PEMT: variants seen among roughly 807,000 people sequenced by gnomAD.
PEMT encodes phospholipid methyltransferase.
In PEMT, 23 loss-of-function variants were observed where a neutral mutation model predicts 27.4. The observed-to-expected ratio is 0.84, with a 90% confidence interval of 0.60 to 1.19. The LOEUF (loss-of-function observed/expected upper bound fraction) is 1.19. Among genes scored for constraint, PEMT ranks in the 50% most tolerant of loss-of-function variants. The pLI is 0.00. For synonymous variants in PEMT, 137 were observed against 139.1 expected (o/e 0.98, Z 0.11); for missense variants, 307 against 310.1 (o/e 0.99, Z 0.07).
intron 2 of PEMT, among the ~76,000 whole-genome samples, chr17:17,547,436 C>T (rs1909338158): frequency 6.6e-6 from 1 of 152,246 alleles, no homozygotes; most frequent in African/African-American, 2.4e-5. Context: ...CGCCAAAGAA[C>T]AGGGTGCTGG....
intron 5 of PEMT, chr17:17,508,719 C>T (rs1906104165): frequency 6.5e-6 from 3 of 459,552 alleles, no homozygotes; most frequent in Non-Finnish European, 1.4e-5. Context: ...CTCTGACCCG[C>T]CGGGGGAGCA....
At chr17:17,589,763 GTTTC>G (rs938493693) in intron 1 of PEMT, among the ~76,000 whole-genome samples, 10 of 152,184 alleles carry the variant, frequency 6.6e-5, no homozygotes, top group East Asian at 5.8e-4. Flanking sequence ...TATGTTGTAT[GTTTC>G]TTTCTTTCTT....
chr17:17,584,034 G>A lies in PEMT; in HGVS notation c.97-7007C>T, dbSNP rs140639062. Among the ~76,000 whole-genome samples, 117 of 152,364 alleles carry A rather than the reference G, an allele frequency of 7.7e-4. 1 individual carries two copies. In the East Asian group the frequency reaches 0.019, roughly 25 times the overall value. The stretch of plus-strand genomic sequence containing the variant: ...AACTCAAAAGGCACTGACAGCTCAC[G>A]TGCTCCAGCAGGGGTGGGTGTGGGG... On this transcript the variant is annotated intron_variant, in intron 1 of 6. Coordinates refer to ENST00000255389, the MANE Select transcript of PEMT (RefSeq NM_148172.3).
chr17:17,578,919 G>A (rs1029977244), intron 1 of PEMT, among the ~76,000 whole-genome samples: 1 of 151,754 alleles, frequency 6.6e-6, no homozygotes. Flanking sequence ...AGAACTTAAA[G>A]TATAATAATA....
At position 17,591,678 on chromosome 17, in the gene PEMT, C is replaced by A; in HGVS notation, c.-52G>T. On this transcript the variant is annotated 5_prime_UTR_variant, in exon 1 of 7. Coordinates refer to ENST00000255389, the MANE Select transcript of PEMT (RefSeq NM_148172.3). ...GCGGGCCCCGCTGCAGCCACGCGCC[C>A]CCGGAACCGGACCTATAGAGCCGGG... 6.4e-7 allele frequency: 1 copy of A among 1,574,754 alleles called. No individual in the cohort carries two copies. Among genetic ancestry groups the A allele is most frequent in the Non-Finnish European group, 8.6e-7 (1 of 1,160,618 alleles).
chr17:17,579,675 A>AAAAC (rs945504025), intron 1 of PEMT, among the ~76,000 whole-genome samples: 36 of 152,288 alleles, frequency 2.4e-4, no homozygotes, highest in African/African-American at 8.4e-4. Flanking sequence ...ACTTCATCTG[A>AAAAC]AAACAAACAA....
At position 17,591,550 on chromosome 17, in the gene PEMT, C is replaced by G; in HGVS notation, c.77G>C (p.Gly26Ala). 6.2e-7 allele frequency: 1 copy of G among 1,613,518 alleles called. No homozygotes were observed. The highest frequency in any genetic ancestry group is 2.2e-5 in the East Asian group (1 of 44,862). ...CAGTACCTGTCTAAAATCAATATTG[C>G]CGAGGCCTCCGCAGCAGTCAGGCCC... ...VAGPDCCGGLGNIDFRQADFC... is the reference protein window; with the variant it reads ...VAGPDCCGGLANIDFRQADFC... The change falls in exon 1 of 7, where the codon GGC (glycine) becomes GCC (alanine). Residue 26 changes from glycine (G) to alanine (A), a missense_variant. Coordinates refer to ENST00000255389, the MANE Select transcript of PEMT (RefSeq NM_148172.3).
chr17:17,591,582 C>G lies in PEMT; in HGVS notation c.45G>C (p.Ser15=), dbSNP rs775691666. Residue 15 remains serine, a synonymous_variant, in exon 1 of 7, where the codon TCG becomes TCC. Coordinates refer to ENST00000255389, the MANE Select transcript of PEMT (RefSeq NM_148172.3). ...GNPGAEVTNS[S]VAGPDCCGGL... is the part of the protein sequence containing the mutation. Reference sequence around the variant, plus strand: ...CTCCGCAGCAGTCAGGCCCTGCCACCGAGCTGTTCGTTACCTCGGCTCCCG... The same window carrying G: ...CTCCGCAGCAGTCAGGCCCTGCCACGGAGCTGTTCGTTACCTCGGCTCCCG... 6.2e-7 allele frequency: 1 copy of G among 1,613,754 alleles called. No individual in the cohort carries two copies. Among genetic ancestry groups the G allele is most frequent in the Admixed American group, 1.7e-5 (1 of 60,016 alleles).
In PEMT at chr17:17,582,057, G is replaced by T. The variant is rs2142755353; in HGVS notation, c.97-5030C>A. Among the ~76,000 whole-genome samples, 2 of 152,234 alleles carry T rather than the reference G, an allele frequency of 1.3e-5. No individual in the cohort carries two copies. The highest frequency in any genetic ancestry group is 2.9e-5 in the Non-Finnish European group (2 of 68,020). ...GGAGAGTCCTGGGTCCCACATCCAG[G>T]CTCTGCCTCCGGGTGTCAGAGTCTC... On this transcript the variant is annotated intron_variant, in intron 1 of 6. Coordinates refer to ENST00000255389, the MANE Select transcript of PEMT (RefSeq NM_148172.3). The surrounding 1 kb of genome is among the most constrained non-coding windows in gnomAD (Gnocchi z 4.9).
At chr17:17,524,371 G>A (rs1431265258) in intron 2 of PEMT, among the ~76,000 whole-genome samples, 1 of 152,160 alleles carries the variant, frequency 6.6e-6, no homozygotes, top group Non-Finnish European at 1.5e-5. Flanking sequence ...CACAGTGGCT[G>A]CCCCATTTTC....
chr17:17,512,363 C>A lies in PEMT; in HGVS notation c.466+146G>T. On this transcript the variant is annotated intron_variant, in intron 4 of 6. Coordinates refer to ENST00000255389, the MANE Select transcript of PEMT (RefSeq NM_148172.3). The surrounding 1 kb of genome is among the most constrained non-coding windows in gnomAD (Gnocchi z 6.3). ...CTGTTCTAACCACAGACAAGCCAGG[C>A]CTGGAGGAGCAAAGACGCCCCGATG... 1 of 650,662 alleles carries A rather than the reference C, an allele frequency of 1.5e-6. No individual in the cohort carries two copies. The highest frequency in any genetic ancestry group is 2.4e-6 in the Non-Finnish European group (1 of 411,308). The allele number at this position is 650,662 out of a possible 1,614,324, so 40.3% of individuals were successfully genotyped here.
intron 2 of PEMT, among the ~76,000 whole-genome samples, chr17:17,540,282 G>A (rs1047415833): frequency 1.3e-5 from 2 of 152,210 alleles, no homozygotes; most frequent in African/African-American, 2.4e-5. Context: ...GGCAATGGCC[G>A]GGACGAGGAG....
At chr17:17,524,522 G>A (rs111585042) in intron 2 of PEMT, among the ~76,000 whole-genome samples, 3,291 of 151,862 alleles carry the variant, frequency 0.022, 85 homozygotes, top group African/African-American at 0.057. Context: ...CCAGCACTTC[G>A]GGAGGCTGAG....
At chr17:17,509,348 G>A in intron 5 of PEMT, 86 bp downstream of exon 5, 7 of 825,380 alleles carry the variant, frequency 8.5e-6, no homozygotes, top group Non-Finnish European at 1.2e-5. Context: ...TCTCTCCAGG[G>A]GCCCTGGCCC....
chr17:17,570,883 A>T, intron 2 of PEMT: 2 of 985,372 alleles, frequency 2.0e-6, no homozygotes, highest in Non-Finnish European at 2.4e-6. Context: ...GAGAAGAGGG[A>T]GTCCATCCTG....
Position 17,512,347 on chromosome 17 carries a change from C to T in PEMT, c.466+162G>A, listed in dbSNP as rs1166978115. ...GTTGGAGCCCAGCCTCCTGTTCTAA[C>T]CACAGACAAGCCAGGCCTGGAGGAG... On this transcript the variant is annotated intron_variant, in intron 4 of 6. Transcript: ENST00000255389. This position sits in a 1 kb window ranked among gnomAD's most constrained non-coding sequence, Gnocchi z 6.3. 2.0e-5 allele frequency among the ~76,000 whole-genome samples: 3 copies of T among 152,204 alleles called. No individual in the cohort carries two copies. The highest frequency in any genetic ancestry group is 4.4e-5 in the Non-Finnish European group (3 of 68,024).
intron 1 of PEMT, among the ~76,000 whole-genome samples, chr17:17,586,202 GAAAGAAAGAAAGAA>G (rs1912244290): frequency 8.8e-6 from 1 of 113,640 alleles, no homozygotes; most frequent in Non-Finnish European, 1.8e-5. Context: ...AGGAAGGAAA[GAAAGAAAGAAAGAA>G]AAAGAAAGAA....
chr17:17,573,669 G>A (rs1911364481), intron 2 of PEMT, among the ~76,000 whole-genome samples: 1 of 152,118 alleles, frequency 6.6e-6, no homozygotes, highest in African/African-American at 2.4e-5. Flanking sequence ...AGCATCTGCC[G>A]ATTTTGGTAT....
chr17:17,532,871 A>G (rs1908197625), intron 2 of PEMT, among the ~76,000 whole-genome samples: 1 of 152,254 alleles, frequency 6.6e-6, no homozygotes, highest in Non-Finnish European at 1.5e-5. Flanking sequence ...TACTGAAAAT[A>G]CAAAAATTAG....
Sources: gnomAD v4.1 joint callset for allele counts (sites outside exome capture counted in the v4.1 genomes callset) on GRCh38, gnomAD v4.1.1 for gene constraint, Gnocchi (gnomAD v3.1) non-coding constraint, MANE v1.5 for transcripts, NCBI Gene and HGNC (gene_info 2026-07-23, HGNC 2026-07-21) for gene names.